Variants in EIF2AK2 observed in about 807,000 individuals in gnomAD.
EIF2AK2 encodes eukaryotic translation initiation factor 2 alpha kinase 2.
A neutral mutation model predicts 70.5 loss-of-function variants in EIF2AK2; 40 were observed. That is an observed-to-expected ratio of 0.57 (90% CI 0.44 to 0.74). The LOEUF (loss-of-function observed/expected upper bound fraction) is 0.74, where lower values mean the gene tolerates loss of function less well. Among genes scored for constraint, EIF2AK2 ranks in the 30% least tolerant of loss-of-function variants. The pLI, the probability that EIF2AK2 is intolerant of heterozygous loss-of-function variation, is 0.00. For missense variants in EIF2AK2, 555 were observed against 644.3 expected (o/e 0.86, Z 1.50); for synonymous variants, 198 against 220.9 (o/e 0.90, Z 0.92).
intron 4 of EIF2AK2, among the ~76,000 whole-genome samples, chr2:37,143,906 C>A (rs954200859): frequency 2.2e-4 from 33 of 151,858 alleles, no homozygotes; most frequent in African/African-American, 5.1e-4. Context: ...ACAACAACAA[C>A]AAAAAAACTA....
intron 5 of EIF2AK2, 58 bp from the exon 6 acceptor site, chr2:37,139,815 T>A: frequency 1.3e-6 from 2 of 1,532,010 alleles, no homozygotes; most frequent in Middle Eastern, 1.8e-4. Flanking sequence ...AAATCCAACT[T>A]AGGATTCAAA....
At chr2:37,111,856 T>C (rs1674159080) in intron 14 of EIF2AK2, among the ~76,000 whole-genome samples, 2 of 69,420 alleles carry the variant, frequency 2.9e-5, no homozygotes, top group African/African-American at 5.6e-5. Flanking sequence ...AGCAAGACCC[T>C]GTCTCAAAAA....
At chr2:37,141,231 C>T (rs1675319123) in intron 5 of EIF2AK2, among the ~76,000 whole-genome samples, 1 of 152,172 alleles carries the variant, frequency 6.6e-6, no homozygotes, top group African/African-American at 2.4e-5. Flanking sequence ...ACCATCATGT[C>T]CTCAATGATG....
At chr2:37,132,774 G>A (rs540718887) in intron 10 of EIF2AK2, among the ~76,000 whole-genome samples, 3 of 152,028 alleles carry the variant, frequency 2.0e-5, no homozygotes, top group African/African-American at 7.2e-5. Flanking sequence ...TTCCAACACT[G>A]GACTCCCTTC....
At chr2:37,122,464 C>T in intron 12 of EIF2AK2, 42 bp downstream of exon 12, 2 of 1,597,030 alleles carry the variant, frequency 1.3e-6, no homozygotes, top group South Asian at 2.3e-5. Flanking sequence ...ATAACAATTT[C>T]CTTCCATCCT....
chr2:37,137,037 G>A lies in EIF2AK2; in HGVS notation c.688-20C>T, dbSNP rs763534485. ...ACCATTCTATAACAAAAGAAAATGAGAAATAGTTTCAGATGACTAAATCAG... is the reference window on the plus strand; with the variant it reads ...ACCATTCTATAACAAAAGAAAATGAAAAATAGTTTCAGATGACTAAATCAG... On this transcript the variant is annotated intron_variant, in intron 8 of 16. Coordinates refer to ENST00000233057, the MANE Select transcript of EIF2AK2 (RefSeq NM_001135651.3). 1.3e-6 allele frequency: 2 copies of A among 1,593,250 alleles called. No individual in the cohort carries two copies. The highest frequency in any genetic ancestry group is 2.3e-5 in the East Asian group (1 of 44,424).
intron 10 of EIF2AK2, among the ~76,000 whole-genome samples, chr2:37,128,541 C>T (rs765966644): frequency 1.3e-5 from 2 of 152,064 alleles, no homozygotes; most frequent in Non-Finnish European, 1.5e-5. Flanking sequence ...AATCGTGCGC[C>T]GGATAGTGCA....
At chr2:37,146,790 CAG>C (rs1675557879) in intron 4 of EIF2AK2, 61 bp downstream of exon 4, 1 of 1,584,586 alleles carries the variant, frequency 6.3e-7, no homozygotes, top group Non-Finnish European at 8.6e-7. Flanking sequence ...TATTTTCTCA[CAG>C]AGAGAAACAG....
intron 10 of EIF2AK2, among the ~76,000 whole-genome samples, chr2:37,130,193 C>T (rs1674891008): frequency 6.6e-6 from 1 of 152,098 alleles, no homozygotes; most frequent in African/African-American, 2.4e-5. Flanking sequence ...CTCCTGCCTC[C>T]CAGATTCAAG....
intron 7 of EIF2AK2, 62 bp from the exon 8 acceptor site, chr2:37,138,425 C>G: frequency 6.3e-7 from 1 of 1,599,006 alleles, no homozygotes; most frequent in Non-Finnish European, 8.5e-7. Flanking sequence ...ATTTCTTTCC[C>G]TAAATTCTCC....
intron 10 of EIF2AK2, 79 bp downstream of exon 10, chr2:37,135,404 TG>T: frequency 1.8e-6 from 2 of 1,126,796 alleles, no homozygotes; most frequent in Non-Finnish European, 2.6e-6. Flanking sequence ...GACAGGATCA[TG>T]GCCATTTCAC....
chr2:37,144,324 T>C (rs965130867), intron 4 of EIF2AK2, among the ~76,000 whole-genome samples: 2 of 149,350 alleles, frequency 1.3e-5, no homozygotes, highest in African/African-American at 4.9e-5. Flanking sequence ...ATATTTACTA[T>C]ACTTTTTTTA....
At chr2:37,117,450 T>C (rs568103558) in intron 13 of EIF2AK2, among the ~76,000 whole-genome samples, 14 of 151,526 alleles carry the variant, frequency 9.2e-5, no homozygotes, top group South Asian at 6.3e-4. Flanking sequence ...GGTGGGAGGA[T>C]TGCTTGAGCC....
chr2:37,116,653 C>G (rs1432345439), intron 13 of EIF2AK2, among the ~76,000 whole-genome samples: 1 of 152,154 alleles, frequency 6.6e-6, no homozygotes, highest in East Asian at 1.9e-4. Context: ...ATTCAATTAA[C>G]AGTCAGATTG....
At position 37,121,803 on chromosome 2, in the gene EIF2AK2, TCA is replaced by T. The variant is rs1674564370; in HGVS notation, c.1067+701_1067+702del. On this transcript the variant is annotated intron_variant, in intron 12 of 16. Coordinates refer to ENST00000233057, the MANE Select transcript of EIF2AK2 (RefSeq NM_001135651.3). The stretch of plus-strand genomic sequence containing the variant: ...AACTCCTGAACTGATGATAATGTTC[TCA>T]CTTACACGACATGGAGATGGAGGTG... Among the ~76,000 whole-genome samples, 4 of 152,254 alleles carry T rather than the reference TCA, an allele frequency of 2.6e-5. No individual in the cohort carries two copies. The South Asian group carries it at 8.3e-4, about 32-fold the overall frequency.
chr2:37,150,465 A>G (rs183492043), intron 1 of EIF2AK2, among the ~76,000 whole-genome samples: 215 of 152,302 alleles, frequency 1.4e-3, no homozygotes, highest in African/African-American at 5.0e-3. Flanking sequence ...ACTGACCTTA[A>G]GAGTTTTAAT....
At chr2:37,114,663 T>A (rs1050172045) in intron 14 of EIF2AK2, 68 bp downstream of exon 14, 2 of 1,375,816 alleles carry the variant, frequency 1.5e-6, no homozygotes, top group Non-Finnish European at 1.9e-6. Context: ...ATATAAGTAG[T>A]GTCTACTCTT....
chr2:37,107,000 T>TCA lies in EIF2AK2; in HGVS notation c.*271_*272dup. On this transcript the variant is annotated 3_prime_UTR_variant, in exon 17 of 17. Coordinates refer to ENST00000233057, the MANE Select transcript of EIF2AK2 (RefSeq NM_001135651.3). The stretch of plus-strand genomic sequence containing the variant: ...GAAGTTGCAGTGAGCCAAGACTGTG[T>TCA]CATTGCACTCCAGCCTGGGCAACAG... The TCA allele has an allele frequency of 3.9e-6, 1 of 254,088 alleles. No individual in the cohort carries two copies. The allele number at this position is 254,088 out of a possible 1,614,324, so 15.7% of individuals were successfully genotyped here.
Position 37,100,698 on chromosome 2 carries a change from C to T in EIF2AK2, c.*6575G>A, listed in dbSNP as rs1360263504. 3 of 152,132 alleles carry T rather than the reference C, an allele frequency of 2.0e-5. No homozygotes were observed. The highest frequency in any genetic ancestry group is 2.9e-5 in the Non-Finnish European group (2 of 68,026). 9.4% of individuals were successfully genotyped at this position (152,132 alleles called of 1,614,324 possible). Reference sequence around the variant, plus strand: ...GAAAGAGTTAACATTTCAGTGGAGACCTTTCCTATCTTGTATTTCCTACAG... The same window carrying T: ...GAAAGAGTTAACATTTCAGTGGAGATCTTTCCTATCTTGTATTTCCTACAG... On this transcript the variant is annotated 3_prime_UTR_variant, in exon 17 of 17. Transcript: ENST00000233057.
Sources: gnomAD v4.1 joint callset for allele counts (sites outside exome capture counted in the v4.1 genomes callset) on GRCh38, gnomAD v4.1.1 for gene constraint, MANE v1.5 for transcripts, NCBI Gene and HGNC (gene_info 2026-07-23, HGNC 2026-07-21) for gene names.